The following ZNF573 variants were observed in gnomAD, a reference collection of about 807,000 sequenced individuals.
The protein encoded by ZNF573 is zinc finger protein 573.
A neutral mutation model predicts 57.4 loss-of-function variants in ZNF573; 41 were observed. The ratio of observed to expected loss-of-function variants is 0.71; its 90% CI spans 0.56 to 0.93. The LOEUF is 0.93. Among genes scored for constraint, ZNF573 ranks in the 40% least tolerant of loss-of-function variants. The pLI, the probability that ZNF573 is intolerant of heterozygous loss-of-function variation, is 0.00. For synonymous variants in ZNF573, 249 were observed against 261.0 expected (o/e 0.95, Z 0.44); for missense variants, 730 against 794.8 (o/e 0.92, Z 0.98).
intron 2 of ZNF573, 75 bp from the exon 3 acceptor site, chr19:37,771,771 G>C (rs1037048625): frequency 6.9e-7 from 1 of 1,458,080 alleles, no homozygotes; most frequent in Non-Finnish European, 9.2e-7. Context: ...GAGCACATTA[G>C]AGAAAAGGAG....
At chr19:37,743,424 C>G (rs555920292) in intron 4 of ZNF573, among the ~76,000 whole-genome samples, 1 of 151,614 alleles carries the variant, frequency 6.6e-6, no homozygotes, top group South Asian at 2.1e-4. Context: ...AAATGCAAAT[C>G]AAAACCACAA....
intron 4 of ZNF573, among the ~76,000 whole-genome samples, chr19:37,767,643 C>T (rs1164807639): frequency 1.3e-5 from 2 of 152,148 alleles, no homozygotes; most frequent in South Asian, 4.2e-4. Flanking sequence ...TCTTGACTTA[C>T]TGGCTGTTGT....
At chr19:37,768,122 C>T (rs922957733) in intron 4 of ZNF573, among the ~76,000 whole-genome samples, 1 of 152,096 alleles carries the variant, frequency 6.6e-6, no homozygotes, top group Non-Finnish European at 1.5e-5. Context: ...GTTTTAACTC[C>T]TGACACGGCT....
intron 4 of ZNF573, among the ~76,000 whole-genome samples, chr19:37,769,384 G>A (rs1038508606): frequency 2.0e-5 from 3 of 152,034 alleles, no homozygotes; most frequent in Admixed American, 2.0e-4. Context: ...GTGTGCAAAA[G>A]GGGAGCTGGA....
rs1429501030 is a variant in ZNF573 at position 37,738,804 on chromosome 19, G to C, written c.1686C>G (p.Thr562=). The C allele has an allele frequency of 6.2e-7, 1 of 1,613,940 alleles. No individual in the cohort carries two copies. Among genetic ancestry groups the C allele is most frequent in the South Asian group, 1.1e-5 (1 of 91,038 alleles). ...KPFECKECGK[T]FRRSSHLTAH... ...CAGTAAGGTGTGAACTACGTCTAAA[G>C]GTCTTCCCACATTCCTTACATTCAA... is the stretch of plus-strand genomic sequence containing the variant. The change falls in exon 5 of 5, where the codon ACC becomes ACG. Residue 562 remains threonine, a synonymous_variant. Transcript: ENST00000536220.
At chr19:37,764,765 G>T (rs1036480938) in intron 4 of ZNF573, among the ~76,000 whole-genome samples, 1 of 149,474 alleles carries the variant, frequency 6.7e-6, no homozygotes, top group Non-Finnish European at 1.5e-5. Context: ...CACCACGCCC[G>T]ACAAACTTTT....
chr19:37,777,926 A>G (rs949552722), intron 1 of ZNF573, among the ~76,000 whole-genome samples: 1 of 145,980 alleles, frequency 6.9e-6, no homozygotes, highest in African/African-American at 2.5e-5. Flanking sequence ...GGAGAGGCTG[A>G]GGCAGGAGAA....
At chr19:37,766,228 G>A (rs1443245951) in intron 4 of ZNF573, among the ~76,000 whole-genome samples, 1 of 151,496 alleles carries the variant, frequency 6.6e-6, no homozygotes, top group Non-Finnish European at 1.5e-5. Context: ...TCCAGGCATT[G>A]AGCATAAATG....
intron 4 of ZNF573, among the ~76,000 whole-genome samples, chr19:37,744,834 T>C (rs2145282126): frequency 6.6e-6 from 1 of 151,388 alleles, no homozygotes; most frequent in Non-Finnish European, 1.5e-5. Flanking sequence ...TAGGTTGGAG[T>C]GCAGTGGTGC....
intron 1 of ZNF573, among the ~76,000 whole-genome samples, chr19:37,777,074 A>C (rs1233641974): frequency 6.6e-6 from 1 of 152,256 alleles, no homozygotes; most frequent in Non-Finnish European, 1.5e-5. Flanking sequence ...GACAAACAGT[A>C]TGAAGATTCC....
In ZNF573 at chr19:37,739,399, T is replaced by C. The variant is rs767435077; in HGVS notation, c.1091A>G (p.Lys364Arg). 3 of 1,613,956 alleles carry C rather than the reference T, an allele frequency of 1.9e-6. No homozygotes were observed. The highest frequency in any genetic ancestry group is 1.1e-5 in the South Asian group (1 of 91,032). The change falls in exon 5 of 5, where the codon AAG becomes AGG. Residue 364 changes from lysine (K) to arginine (R), a missense_variant. By Grantham distance (26) the Lys-to-Arg change is conservative. Coordinates refer to ENST00000536220, the MANE Select transcript of ZNF573 (RefSeq NM_001172690.2). Reference protein sequence around the residue: ...GGKPYECKECKKTFTLYRNLT... With the variant: ...GGKPYECKECRKTFTLYRNLT... The stretch of plus-strand genomic sequence containing the variant: ...ATTTCTATACAAAGTAAAGGTTTTC[T>C]TACACTCCTTACATTCATAGGGTTT...
chr19:37,742,446 C>T (rs1176450693), intron 4 of ZNF573, among the ~76,000 whole-genome samples: 1 of 152,148 alleles, frequency 6.6e-6, no homozygotes, highest in Non-Finnish European at 1.5e-5. Context: ...GCTACAGTAA[C>T]CAAAACAGCA....
intron 4 of ZNF573, among the ~76,000 whole-genome samples, chr19:37,747,860 G>C (rs993701287): frequency 1.3e-5 from 2 of 151,992 alleles, no homozygotes; most frequent in Non-Finnish European, 2.9e-5. Flanking sequence ...CTATTTTTTT[G>C]TATTTTTAGT....
chr19:37,772,445 T>A (rs1489799673), intron 2 of ZNF573, among the ~76,000 whole-genome samples: 10 of 147,322 alleles, frequency 6.8e-5, no homozygotes, highest in African/African-American at 2.2e-4. Context: ...TCTCCATATT[T>A]AAAAAAAAAA....
chr19:37,763,190 A>G (rs1037488594), intron 4 of ZNF573, among the ~76,000 whole-genome samples: 5 of 152,128 alleles, frequency 3.3e-5, no homozygotes, highest in Non-Finnish European at 7.4e-5. Context: ...TCTCATATGC[A>G]TGAATCACTG....
At chr19:37,759,754 T>A (rs1378939516) in intron 4 of ZNF573, among the ~76,000 whole-genome samples, 1 of 151,906 alleles carries the variant, frequency 6.6e-6, no homozygotes, top group Admixed American at 6.6e-5. Flanking sequence ...AATAAATAAA[T>A]AAAAATGAAA....
chr19:37,769,386 G>A (rs1248406244), intron 4 of ZNF573, among the ~76,000 whole-genome samples: 2 of 152,104 alleles, frequency 1.3e-5, no homozygotes, highest in African/African-American at 4.8e-5. Context: ...GTGCAAAAGG[G>A]GAGCTGGAAA....
At chr19:37,749,455 G>A (rs1359836059) in intron 4 of ZNF573, among the ~76,000 whole-genome samples, 1 of 151,934 alleles carries the variant, frequency 6.6e-6, no homozygotes. Flanking sequence ...CCAAATAATA[G>A]TAGGTTTATA....
chr19:37,746,642 C>T (rs1293498901), intron 4 of ZNF573, among the ~76,000 whole-genome samples: 1 of 151,794 alleles, frequency 6.6e-6, no homozygotes, highest in Non-Finnish European at 1.5e-5. Context: ...TGCAGTGGTG[C>T]GATCTTGGCT....
Sources: allele counts gnomAD v4.1 joint callset (sites outside exome capture counted in the v4.1 genomes callset), GRCh38; gene constraint gnomAD v4.1.1; transcripts MANE v1.5; gene names NCBI Gene and HGNC (gene_info 2026-07-23, HGNC 2026-07-21).